ARHGAP15: variants seen among roughly 807,000 people sequenced by gnomAD.
The protein encoded by ARHGAP15 is Rho GTPase activating protein 15.
Under a neutral mutation model 63.7 loss-of-function variants are expected in ARHGAP15, and 51 were observed. That is an observed-to-expected ratio of 0.80 (90% CI 0.64 to 1.01). The LOEUF is 1.01. ARHGAP15 is among the 50% of genes least tolerant of loss of function. The pLI, the probability that ARHGAP15 is intolerant of heterozygous loss-of-function variation, is 0.00. For missense variants in ARHGAP15, 560 were observed against 564.6 expected (o/e 0.99, Z 0.08); for synonymous variants, 191 against 193.8 (o/e 0.99, Z 0.12).
At chr2:143,253,063 G>GA (rs1410351950) in intron 6 of ARHGAP15, among the ~76,000 whole-genome samples, 1 of 152,060 alleles carries the variant, frequency 6.6e-6, no homozygotes, top group Non-Finnish European at 1.5e-5. Context: ...AATAGCTTTA[G>GA]AATTCCAAGT....
intron 4 of ARHGAP15, chr2:143,228,031 A>C (rs1693286874): frequency 6.6e-6 from 1 of 152,262 alleles, no homozygotes; most frequent in East Asian, 1.9e-4. Flanking sequence ...TAGTTCTTTT[A>C]TTCCTTGACA....
intron 6 of ARHGAP15, among the ~76,000 whole-genome samples, chr2:143,319,469 G>A (rs777819818): frequency 1.3e-5 from 2 of 151,984 alleles, no homozygotes; most frequent in South Asian, 2.1e-4. Context: ...TGATTCACCC[G>A]CTTCGGCCTG....
chr2:143,179,248 C>G (rs139940290), intron 2 of ARHGAP15, among the ~76,000 whole-genome samples: 3 of 152,308 alleles, frequency 2.0e-5, no homozygotes, highest in Admixed American at 6.5e-5. Flanking sequence ...TAGGAAGAGT[C>G]CCTATATTTG....
chr2:143,423,241 G>A (rs1689004025), intron 6 of ARHGAP15, among the ~76,000 whole-genome samples: 1 of 152,140 alleles, frequency 6.6e-6, no homozygotes, highest in Admixed American at 6.6e-5. Flanking sequence ...CCAGCTTTAA[G>A]AGGATGTCTT....
At chr2:143,489,672 T>TG in intron 9 of ARHGAP15, among the ~76,000 whole-genome samples, 1 of 152,348 alleles carries the variant, frequency 6.6e-6, no homozygotes. Flanking sequence ...ATAAAATCAG[T>TG]ATTTTTAATC....
intron 11 of ARHGAP15, among the ~76,000 whole-genome samples, chr2:143,623,674 C>T (rs1698729318): frequency 6.6e-6 from 1 of 152,216 alleles, no homozygotes; most frequent in South Asian, 2.1e-4. Flanking sequence ...GCAAGGCTAA[C>T]ACATGTAAAG....
chr2:143,165,982 GA>G lies in ARHGAP15; in HGVS notation c.165+10330del, dbSNP rs1203498258. On this transcript the variant is annotated intron_variant, in intron 2 of 13. Coordinates refer to ENST00000295095, the MANE Select transcript of ARHGAP15 (RefSeq NM_018460.4). ...AGAGAGAAAGAAAGAAAGAAAGAAA[GA>G]AAGAAAGAAAGAAAGAAAGAAGGAA... Among the ~76,000 whole-genome samples the G allele has an allele frequency of 2.8e-3, 325 of 115,912 alleles. 2 individuals are homozygous for G. Among genetic ancestry groups the G allele is most frequent in the East Asian group, 0.021 (91 of 4,298 alleles). The allele number at this position is 115,912 out of a possible 152,430, so 76.0% of individuals were successfully genotyped here.
chr2:143,239,840 A>C (rs1693792696), intron 5 of ARHGAP15, among the ~76,000 whole-genome samples: 1 of 151,864 alleles, frequency 6.6e-6, no homozygotes, highest in African/African-American at 2.4e-5. Flanking sequence ...AAAATACAAA[A>C]ATTAGTTGGG....
chr2:143,135,230 T>C (rs1233701038), intron 1 of ARHGAP15, among the ~76,000 whole-genome samples: 2 of 152,180 alleles, frequency 1.3e-5, no homozygotes, highest in Non-Finnish European at 2.9e-5. Flanking sequence ...TTTGCCTAAA[T>C]GGTGGGAAAG....
At chr2:143,368,706 C>G (rs963525730) in intron 6 of ARHGAP15, among the ~76,000 whole-genome samples, 1 of 152,046 alleles carries the variant, frequency 6.6e-6, no homozygotes, top group Non-Finnish European at 1.5e-5. Context: ...GTCAAGAGAA[C>G]TTGAGGACAC....
intron 9 of ARHGAP15, among the ~76,000 whole-genome samples, chr2:143,493,140 ACCACATAGACTT>A (rs1692663041): frequency 6.6e-6 from 1 of 152,170 alleles, no homozygotes; most frequent in Non-Finnish European, 1.5e-5. Context: ...TTACTGTAGC[ACCACATAGACTT>A]CCTTTCCTGT....
At chr2:143,529,465 T>C (rs957894631) in intron 10 of ARHGAP15, among the ~76,000 whole-genome samples, 3 of 152,108 alleles carry the variant, frequency 2.0e-5, no homozygotes, top group African/African-American at 7.2e-5. Context: ...CCCTCTTAAA[T>C]ACAAATAAGA....
intron 6 of ARHGAP15, among the ~76,000 whole-genome samples, chr2:143,402,584 G>T (rs1261354161): frequency 7.0e-6 from 1 of 142,114 alleles, no homozygotes; most frequent in Admixed American, 7.0e-5. Context: ...TGGAAGGGGG[G>T]GTGGGTGGGG....
chr2:143,279,967 C>G (rs1185915126), intron 6 of ARHGAP15, among the ~76,000 whole-genome samples: 1 of 152,114 alleles, frequency 6.6e-6, no homozygotes, highest in Non-Finnish European at 1.5e-5. Context: ...CTTGGGAGAG[C>G]TTGGGAAGTG....
intron 4 of ARHGAP15, 66 bp from the exon 5 acceptor site, chr2:143,228,515 A>AC (rs1693308823): frequency 9.2e-6 from 10 of 1,083,818 alleles, no homozygotes; most frequent in Non-Finnish European, 1.4e-5. Flanking sequence ...TGTTGCTCAT[A>AC]CTGTATCTAT....
intron 13 of ARHGAP15, among the ~76,000 whole-genome samples, chr2:143,723,319 G>A (rs1487175127): frequency 6.6e-6 from 1 of 152,182 alleles, no homozygotes; most frequent in African/African-American, 2.4e-5. Flanking sequence ...ATGTGAAATG[G>A]ACTTAGGGAT....
chr2:143,485,084 A>T (rs1035972292), intron 8 of ARHGAP15, among the ~76,000 whole-genome samples: 2 of 130,682 alleles, frequency 1.5e-5, no homozygotes, highest in African/African-American at 2.9e-5. Context: ...ACTTTAATTT[A>T]AAAAAAAATT....
At chr2:143,767,742 C>G (rs2072970444) in intron 13 of ARHGAP15, among the ~76,000 whole-genome samples, 1 of 152,018 alleles carries the variant, frequency 6.6e-6, no homozygotes, top group African/African-American at 2.4e-5. Flanking sequence ...ATTCATTTCA[C>G]AAATATTTGT....
intron 5 of ARHGAP15, among the ~76,000 whole-genome samples, chr2:143,249,059 C>T (rs1319734265): frequency 6.6e-6 from 1 of 152,102 alleles, no homozygotes; most frequent in Non-Finnish European, 1.5e-5. Flanking sequence ...CTATCATTAT[C>T]ATGCTTTGAA....
Sources: gnomAD v4.1 joint callset for allele counts (sites outside exome capture counted in the v4.1 genomes callset) on GRCh38, gnomAD v4.1.1 for gene constraint, MANE v1.5 for transcripts, NCBI Gene and HGNC (gene_info 2026-07-23, HGNC 2026-07-21) for gene names.